The following SLC30A8 variants were observed in gnomAD, a reference collection of about 807,000 sequenced individuals.
SLC30A8 encodes solute carrier family 30 member 8.
A neutral mutation model predicts 36.9 loss-of-function variants in SLC30A8; 27 were observed. That is an observed-to-expected ratio of 0.73 (90% CI 0.54 to 1.01). The LOEUF is 1.01. Among genes scored for constraint, SLC30A8 ranks in the 50% least tolerant of loss-of-function variants. The probability of loss-of-function intolerance (pLI) is 0.00; values close to 1 mark genes in which losing one functional copy is unlikely to be tolerated. For synonymous variants in SLC30A8, 164 were observed against 172.4 expected (o/e 0.95, Z 0.38); for missense variants, 439 against 452.0 (o/e 0.97, Z 0.26).
chr8:117,140,824 C>T (rs1398670133), intron 1 of SLC30A8, among the ~76,000 whole-genome samples: 1 of 151,784 alleles, frequency 6.6e-6, no homozygotes. Flanking sequence ...ATAATAGCAC[C>T]AATAAAGGTA....
Position 117,172,575 on chromosome 8 carries a change from C to A in SLC30A8, c.1004C>A (p.Ala335Asp), listed in dbSNP as rs765921976. The A allele has an allele frequency of 6.2e-7, 1 of 1,613,752 alleles. No homozygotes were observed. Among genetic ancestry groups the A allele is most frequent in the South Asian group, 1.1e-5 (1 of 91,084 alleles). The part of the protein sequence containing the change: ...RDSQVVRREI[A>D]KALSKSFTMH... ...AGCCAAGTGGTTCGGAGAGAAATTG[C>A]TAAAGCCCTTAGCAAAAGCTTTACG... Residue 335 changes from alanine (A) to aspartate (D), a missense_variant, in exon 8 of 8, where the codon GCT becomes GAT. Physicochemically the swap from Ala to Asp is moderately radical, Grantham distance 126. Transcript: ENST00000456015.
intron 5 of SLC30A8, among the ~76,000 whole-genome samples, chr8:117,162,754 C>T (rs1314833181): frequency 6.6e-6 from 1 of 152,166 alleles, no homozygotes; most frequent in African/African-American, 2.4e-5. Flanking sequence ...GGTCCACTTA[C>T]AAAAGTTGAG....
rs111585305 is a variant in SLC30A8 at position 117,028,224 on chromosome 8, C to T, written c.-265-10995C>T. ...CTCATATCACAATCACTTATACTTG[C>T]TAGGCTGTTAATAGGCACAAAAAAT... On this transcript the variant is annotated intron_variant, in intron 1 of 10. Coordinates refer to the SLC30A8 transcript ENST00000427715. Among the ~76,000 whole-genome samples, 373 of 152,192 alleles carry T rather than the reference C, an allele frequency of 2.5e-3. 2 individuals are homozygous for T. Among genetic ancestry groups the T allele is most frequent in the African/African-American group, 8.7e-3 (362 of 41,512 alleles).
intron 1 of SLC30A8, among the ~76,000 whole-genome samples, chr8:116,990,395 C>T (rs879448675): frequency 8.5e-5 from 13 of 152,104 alleles, no homozygotes; most frequent in South Asian, 2.1e-4. Flanking sequence ...ATGATAGTTG[C>T]GTTGATATTA....
At chr8:117,171,649 A>G (rs1823393634) in intron 7 of SLC30A8, among the ~76,000 whole-genome samples, 1 of 152,180 alleles carries the variant, frequency 6.6e-6, no homozygotes, top group Non-Finnish European at 1.5e-5. Flanking sequence ...GTGGGGTCCC[A>G]CACTGTATGA....
chr8:117,063,565 T>C (rs1269409876), intron 2 of SLC30A8, among the ~76,000 whole-genome samples: 1 of 152,122 alleles, frequency 6.6e-6, no homozygotes, highest in African/African-American at 2.4e-5. Context: ...AATTGGAAAA[T>C]ATATTGGAAA....
chr8:117,011,637 T>G (rs1200371378), intron 1 of SLC30A8, among the ~76,000 whole-genome samples: 1 of 152,190 alleles, frequency 6.6e-6, no homozygotes, highest in Non-Finnish European at 1.5e-5. Flanking sequence ...CCTTGGGCAC[T>G]GCCAAAAATA....
chr8:117,041,175 A>G (rs916392506), intron 2 of SLC30A8, among the ~76,000 whole-genome samples: 2 of 152,214 alleles, frequency 1.3e-5, no homozygotes, highest in African/African-American at 4.8e-5. Context: ...CACACAATGA[A>G]TCCACAGAAA....
intron 2 of SLC30A8, among the ~76,000 whole-genome samples, chr8:117,079,265 C>T (rs1818587736): frequency 6.6e-6 from 1 of 152,076 alleles, no homozygotes; most frequent in Non-Finnish European, 1.5e-5. Flanking sequence ...CTGTCTCGGC[C>T]CCCTAAAGTG....
Position 117,135,281 on chromosome 8 carries a change from G to A in SLC30A8, c.-47G>A. On this transcript the variant is annotated 5_prime_UTR_variant, in exon 1 of 8. Coordinates refer to ENST00000456015, the MANE Select transcript of SLC30A8 (RefSeq NM_173851.3). ...TGCTTTGCTTCCAAAACTGGGCAGT[G>A]AGTTCAACAACAACGACAACAACAG... The A allele has an allele frequency of 6.9e-7, 1 of 1,451,768 alleles. No homozygotes were observed. Among genetic ancestry groups the A allele is most frequent in the Non-Finnish European group, 9.5e-7 (1 of 1,055,834 alleles). The allele number at this position is 1,451,768 out of a possible 1,614,324, so 89.9% of individuals were successfully genotyped here.
At chr8:117,161,612 T>G in intron 4 of SLC30A8, 126 bp from the exon 5 acceptor site, 1 of 885,550 alleles carries the variant, frequency 1.1e-6, no homozygotes, top group Non-Finnish European at 1.7e-6. Context: ...TAGTTCTTTT[T>G]AAAGCATAAA....
At chr8:117,151,433 C>A (rs1328362066) in intron 2 of SLC30A8, among the ~76,000 whole-genome samples, 2 of 152,234 alleles carry the variant, frequency 1.3e-5, no homozygotes, top group Non-Finnish European at 2.9e-5. Flanking sequence ...AGATCAGTCA[C>A]AAACTACCTC....
intron 1 of SLC30A8, among the ~76,000 whole-genome samples, chr8:117,005,022 T>C (rs1338025839): frequency 1.3e-5 from 2 of 152,162 alleles, no homozygotes; most frequent in Non-Finnish European, 1.5e-5. Context: ...TATCACCCAA[T>C]TGACTTATTT....
intron 2 of SLC30A8, among the ~76,000 whole-genome samples, chr8:117,040,697 T>C (rs1044381275): frequency 6.6e-6 from 1 of 152,208 alleles, no homozygotes; most frequent in Non-Finnish European, 1.5e-5. Flanking sequence ...ATTTCAAATT[T>C]GTTTTAATGA....
chr8:117,027,535 T>C (rs1237908045), intron 1 of SLC30A8, among the ~76,000 whole-genome samples: 1 of 152,188 alleles, frequency 6.6e-6, no homozygotes, highest in African/African-American at 2.4e-5. Context: ...TCTAGTTCAC[T>C]GTGCTGTATT....
chr8:116,975,758 T>G (rs1814977335), intron 1 of SLC30A8, among the ~76,000 whole-genome samples: 2 of 152,264 alleles, frequency 1.3e-5, no homozygotes, highest in African/African-American at 2.4e-5. Flanking sequence ...CTGCCTTTGA[T>G]TTTTAATCTA....
At chr8:117,148,225 T>C (rs1204427371) in intron 2 of SLC30A8, among the ~76,000 whole-genome samples, 2 of 152,146 alleles carry the variant, frequency 1.3e-5, no homozygotes, top group African/African-American at 2.4e-5. Context: ...TTTTGTTGTT[T>C]AATTTTTGCA....
chr8:117,027,891 G>A (rs1253571676), intron 1 of SLC30A8, among the ~76,000 whole-genome samples: 3 of 152,150 alleles, frequency 2.0e-5, no homozygotes, highest in Non-Finnish European at 4.4e-5. Context: ...TTTACAGTGT[G>A]ACCTTGGGTG....
chr8:117,125,688 G>T (rs947640574), intron 2 of SLC30A8, among the ~76,000 whole-genome samples: 1 of 151,916 alleles, frequency 6.6e-6, no homozygotes, highest in African/African-American at 2.4e-5. Flanking sequence ...ATAAAGATCT[G>T]TGCAATGACT....
Sources: allele counts gnomAD v4.1 joint callset (sites outside exome capture counted in the v4.1 genomes callset), GRCh38; gene constraint gnomAD v4.1.1; transcripts MANE v1.5; gene names NCBI Gene and HGNC (gene_info 2026-07-23, HGNC 2026-07-21).